ARHGAP25: variants seen among roughly 807,000 people sequenced by gnomAD.
ARHGAP25 encodes Rho GTPase activating protein 25, also known as rho GTPase-activating protein 25.
In ARHGAP25, 34 loss-of-function variants were observed where a neutral mutation model predicts 71.0. That is an observed-to-expected ratio of 0.48 (90% CI 0.36 to 0.64). The LOEUF is 0.64. Ranked by LOEUF, ARHGAP25 falls within the 30% of genes least tolerant of loss-of-function variation. The pLI is 0.00. For missense variants in ARHGAP25, 706 were observed against 805.1 expected, an observed-to-expected ratio of 0.88 and a Z score of 1.49; for synonymous variants, 282 against 296.5, an observed-to-expected ratio of 0.95 and a Z score of 0.50.
At chr2:68,764,448 G>A (rs964796113) in intron 1 of ARHGAP25, among the ~76,000 whole-genome samples, 1 of 152,160 alleles carries the variant, frequency 6.6e-6, no homozygotes, top group African/African-American at 2.4e-5. Context: ...CCAGTTAAGG[G>A]GTTAAGGGAG....
chr2:68,724,240 C>G (rs1296312191), intron 2 of ARHGAP25, among the ~76,000 whole-genome samples: 1 of 152,138 alleles, frequency 6.6e-6, no homozygotes, highest in Non-Finnish European at 1.5e-5. Flanking sequence ...GACTGGGCCC[C>G]AAACTCTCTG....
intron 1 of ARHGAP25, among the ~76,000 whole-genome samples, chr2:68,743,771 G>C (rs968431820): frequency 3.3e-5 from 5 of 152,050 alleles, no homozygotes; most frequent in African/African-American, 7.2e-5. Flanking sequence ...CTCTTTCCCA[G>C]GTAGAGTGAC....
chr2:68,713,664 ACATTCCAT>A (rs1674540364), intron 2 of ARHGAP25, among the ~76,000 whole-genome samples: 1 of 152,224 alleles, frequency 6.6e-6, no homozygotes, highest in South Asian at 2.1e-4. Flanking sequence ...ATTTTGAGAT[ACATTCCAT>A]CAATACCTAG....
At chr2:68,728,978 G>C (rs1674945086) in intron 2 of ARHGAP25, among the ~76,000 whole-genome samples, 1 of 152,154 alleles carries the variant, frequency 6.6e-6, no homozygotes, top group Non-Finnish European at 1.5e-5. Flanking sequence ...ACATGCAAAG[G>C]GAAAGAAGCC....
intron 4 of ARHGAP25, among the ~76,000 whole-genome samples, chr2:68,791,964 A>T (rs1296293576): frequency 3.9e-5 from 6 of 152,038 alleles, no homozygotes; most frequent in Admixed American, 3.9e-4. Context: ...CTGACAACTC[A>T]TTCTCAGCTT....
At chr2:68,744,378 C>T (rs1026177611) in intron 1 of ARHGAP25, among the ~76,000 whole-genome samples, 6 of 152,118 alleles carry the variant, frequency 3.9e-5, no homozygotes, top group African/African-American at 1.2e-4. Flanking sequence ...GAGATTGTAC[C>T]GTTTTGCTCA....
At chr2:68,822,923 A>G (rs779455655) in intron 10 of ARHGAP25, 51 bp downstream of exon 10, 1 of 1,518,376 alleles carries the variant, frequency 6.6e-7, no homozygotes, top group Non-Finnish European at 8.8e-7. Flanking sequence ...ATCTTTAGAG[A>G]CAAGAGGGAT....
chr2:68,754,003 C>T (rs906109636), intron 1 of ARHGAP25, among the ~76,000 whole-genome samples: 16 of 151,414 alleles, frequency 1.1e-4, no homozygotes, highest in African/African-American at 3.4e-4. Flanking sequence ...CCCAGGTTCA[C>T]GCCATTCTCC....
At chr2:68,811,180 G>C (rs550889701) in intron 5 of ARHGAP25, among the ~76,000 whole-genome samples, 1 of 152,324 alleles carries the variant, frequency 6.6e-6, no homozygotes, top group African/African-American at 2.4e-5. Context: ...GGAGGCATAG[G>C]GTAGTGAAAG....
intron 3 of ARHGAP25, among the ~76,000 whole-genome samples, chr2:68,782,957 G>A (rs1418439008): frequency 6.6e-6 from 1 of 152,206 alleles, no homozygotes; most frequent in Non-Finnish European, 1.5e-5. Flanking sequence ...AGCCCTGCCA[G>A]GGGCTCCAGG....
rs796100406 is a variant in ARHGAP25 at position 68,815,443 on chromosome 2, C to CTTTTTTTTTTTT, written c.808-832_808-821dup. 3.2e-5 allele frequency among the ~76,000 whole-genome samples: 2 copies of CTTTTTTTTTTTT among 62,290 alleles called. 1 individual carries two copies. 40.9% of individuals were successfully genotyped at this position (62,290 alleles called of 152,430 possible). ...CACCGGCATGTGAATTGTGTACTCTCTTTTTTTTTTTTTTTTTTTTTTTTT... is the reference window on the plus strand; with the variant it reads ...CACCGGCATGTGAATTGTGTACTCTCTTTTTTTTTTTTTTTTTTTTTTTTTTTTTTTTTTTTT... On this transcript the variant is annotated intron_variant, in intron 6 of 10. Transcript: ENST00000409202.
chr2:68,821,610 T>C (rs1046932376), intron 9 of ARHGAP25, among the ~76,000 whole-genome samples: 1 of 152,250 alleles, frequency 6.6e-6, no homozygotes, highest in Non-Finnish European at 1.5e-5. Flanking sequence ...ACTGTTTTCC[T>C]ACAGTTTCAC....
chr2:68,748,222 C>T (rs1272564620), intron 1 of ARHGAP25, among the ~76,000 whole-genome samples: 1 of 152,172 alleles, frequency 6.6e-6, no homozygotes, highest in Non-Finnish European at 1.5e-5. Context: ...ATCTCAAGGC[C>T]TGTCTGCTGT....
intron 4 of ARHGAP25, 137 bp from the exon 5 acceptor site, chr2:68,807,136 G>T: frequency 1.3e-6 from 1 of 773,534 alleles, no homozygotes; most frequent in South Asian, 1.7e-5. Flanking sequence ...GAAATATTCT[G>T]AGTGATTTAT....
chr2:68,781,704 A>G (rs2104389063), intron 2 of ARHGAP25, among the ~76,000 whole-genome samples: 1 of 152,320 alleles, frequency 6.6e-6, no homozygotes, highest in African/African-American at 2.4e-5. Flanking sequence ...CACCTATAAA[A>G]TTTACATAAT....
chr2:68,762,929 A>G (rs1331567683), intron 1 of ARHGAP25, among the ~76,000 whole-genome samples: 4 of 152,362 alleles, frequency 2.6e-5, no homozygotes, highest in African/African-American at 9.6e-5. Context: ...CAGGCAGCTG[A>G]TAATGTTTGA....
rs138715856 is a variant in ARHGAP25 at position 68,754,601 on chromosome 2, G to A, written c.61+19341G>A. 2.0e-3 allele frequency among the ~76,000 whole-genome samples: 300 copies of A among 152,268 alleles called. 1 individual carries two copies. The highest frequency in any genetic ancestry group is 6.7e-3 in the African/African-American group (280 of 41,556). On this transcript the variant is annotated intron_variant, in intron 1 of 10. Transcript: ENST00000409202. ...TTATCTCTTTTGGGTAAATATTGAG[G>A]AGTGCTACTGCTGGATCATATGATA... is the stretch of plus-strand genomic sequence containing the variant.
At chr2:68,786,235 G>A (rs1266409498) in intron 3 of ARHGAP25, among the ~76,000 whole-genome samples, 2 of 152,140 alleles carry the variant, frequency 1.3e-5, no homozygotes, top group African/African-American at 4.8e-5. Context: ...CAGGAATCAG[G>A]GTAAACTGAG....
intron 5 of ARHGAP25, among the ~76,000 whole-genome samples, chr2:68,810,731 C>CTTTTTTTTTT (rs539849992): frequency 1.3e-5 from 1 of 74,352 alleles, no homozygotes; most frequent in South Asian, 3.4e-4. Flanking sequence ...CTTTTCTTCT[C>CTTTTTTTTTT]TTTTTTTTTT....
Sources: gnomAD v4.1 joint callset for allele counts (sites outside exome capture counted in the v4.1 genomes callset) on GRCh38, gnomAD v4.1.1 for gene constraint, MANE v1.5 for transcripts, NCBI Gene and HGNC (gene_info 2026-07-23, HGNC 2026-07-21) for gene names.